The following SPEG variants were observed in gnomAD, a reference collection of about 807,000 sequenced individuals.
SPEG encodes the protein striated muscle enriched protein kinase, also known as striated muscle preferentially expressed protein kinase.
In SPEG, 114 loss-of-function variants were observed where a neutral mutation model predicts 300.4. The ratio of observed to expected loss-of-function variants is 0.38; its 90% confidence interval spans 0.33 to 0.44. SPEG has a LOEUF of 0.44. Among genes scored for constraint, SPEG ranks in the 20% least tolerant of loss-of-function variants. SPEG has a pLI of 1.00. For missense variants in SPEG, 4,201 were observed against 4,586.2 expected, an observed-to-expected ratio of 0.92 and a Z score of 2.43; for synonymous variants, 1,964 against 2,018.9, an observed-to-expected ratio of 0.97 and a Z score of 0.73.
Position 219,444,191 on chromosome 2 carries a change from C to A in SPEG, c.389-462C>A. 1 of 611,788 alleles carries A rather than the reference C, an allele frequency of 1.6e-6. No homozygotes were observed. The highest frequency in any genetic ancestry group is 1.9e-5 in the African/African-American group (1 of 52,914). The allele number at this position is 611,788 out of a possible 1,614,324, so 37.9% of individuals were successfully genotyped here. Reference sequence around the variant, plus strand: ...TGGGGTAGAGGACAGGCTGGCCCCGCGGTTGGTCGAGTGCCCTGGCAGTAC... The same window carrying A: ...TGGGGTAGAGGACAGGCTGGCCCCGAGGTTGGTCGAGTGCCCTGGCAGTAC... On this transcript the variant is annotated intron_variant, in intron 1 of 40. Transcript: ENST00000312358. This position sits in a 1 kb window ranked among gnomAD's most constrained non-coding sequence, Gnocchi z 7.8.
intron 6 of SPEG, chr2:219,460,796 T>G: frequency 1.0e-6 from 1 of 985,944 alleles, no homozygotes; most frequent in Non-Finnish European, 1.2e-6. Flanking sequence ...TCAGGCGCCT[T>G]CCCCTCCCCC....
intron 10 of SPEG, among the ~76,000 whole-genome samples, chr2:219,467,697 C>G (rs940496328): frequency 6.6e-6 from 1 of 152,256 alleles, no homozygotes; most frequent in Non-Finnish European, 1.5e-5. Flanking sequence ...CACGCCTGCC[C>G]TGCAAGTCAC....
At chr2:219,487,456 T>A (rs1693544900) in intron 31 of SPEG, among the ~76,000 whole-genome samples, 2 of 152,240 alleles carry the variant, frequency 1.3e-5, no homozygotes, top group African/African-American at 4.8e-5. Context: ...ACAGCAAGCA[T>A]CCTGTGGGCG....
In SPEG at chr2:219,459,597, G is replaced by A. The variant is rs868389373; in HGVS notation, c.2441-2285G>A. Reference sequence around the variant, plus strand: ...CTGGGCACCACCAGGGGTCTCTGAGGCTCCCTGCAAACCTTGACCATCTGG... The same window carrying A: ...CTGGGCACCACCAGGGGTCTCTGAGACTCCCTGCAAACCTTGACCATCTGG... On this transcript the variant is annotated intron_variant, in intron 6 of 40. Coordinates refer to ENST00000312358, the MANE Select transcript of SPEG (RefSeq NM_005876.5). This position sits in a 1 kb window ranked among gnomAD's most constrained non-coding sequence, Gnocchi z 4.9. Among the ~76,000 whole-genome samples, 41 of 152,114 alleles carry A rather than the reference G, an allele frequency of 2.7e-4. No individual in the cohort carries two copies. The highest frequency in any genetic ancestry group is 1.3e-4 in the Non-Finnish European group (9 of 68,008).
At position 219,483,123 on chromosome 2, in the gene SPEG, A is replaced by G. The variant is rs748682066; in HGVS notation, c.5660A>G (p.His1887Arg). The G allele has an allele frequency of 6.2e-7, 1 of 1,608,114 alleles. No individual in the cohort carries two copies. Among genetic ancestry groups the G allele is most frequent in the East Asian group, 2.2e-5 (1 of 44,772 alleles). The change falls in exon 30 of 41, where the codon CAC (histidine) becomes CGC (arginine). Residue 1887 changes from histidine (H) to arginine (R), a missense_variant. Transcript: ENST00000312358. ...WQRSQISYKC[H>R]LVLRPIPELL... ...CGCTCCCAGATCAGCTACAAATGCC[A>G]CCTGGTGCTGCGCCCCATCCCCGAG... is the stretch of plus-strand genomic sequence containing the variant.
chr2:219,448,351 C>T lies in SPEG; in HGVS notation c.1193C>T (p.Ser398Phe). 1 of 1,588,014 alleles carries T rather than the reference C, an allele frequency of 6.3e-7. No individual in the cohort carries two copies. Among genetic ancestry groups the T allele is most frequent in the Non-Finnish European group, 8.6e-7 (1 of 1,168,920 alleles). The change falls in exon 4 of 41, where the codon TCC (serine) becomes TTC (phenylalanine). Residue 398 changes from serine to phenylalanine, a missense_variant. Coordinates refer to ENST00000312358, the MANE Select transcript of SPEG (RefSeq NM_005876.5). ...GRSPRLVRAGSRILDKLQFFE... is the reference protein window; with the variant it reads ...GRSPRLVRAGFRILDKLQFFE... ...TCGCCTAGGCTGGTGCGCGCCGGCT[C>T]CCGCATCCTGGACAAGCTGCAGTTC... is the stretch of plus-strand genomic sequence containing the variant.
At chr2:219,482,958 C>T in intron 29 of SPEG, 106 bp downstream of exon 29, 1 of 1,405,966 alleles carries the variant, frequency 7.1e-7, no homozygotes, top group Non-Finnish European at 9.9e-7. Flanking sequence ...TTCTCGCTTT[C>T]ACTGGCTCCA....
In SPEG at chr2:219,490,428, C is replaced by A; in HGVS notation, c.8941C>A (p.Arg2981=). Residue 2981 remains arginine, a synonymous_variant, in exon 37 of 41, where the codon CGA becomes AGA. Transcript: ENST00000312358. ...ACACAGGGGCCGCTTTGGTGTTGTG[C>A]GAGCGTGCCGGGAGAATGCCACGGG... ...EKARGRFGVV[R]ACRENATGRT... The A allele has an allele frequency of 1.9e-6, 3 of 1,611,980 alleles. No individual in the cohort carries two copies. The highest frequency in any genetic ancestry group is 2.5e-6 in the Non-Finnish European group (3 of 1,179,592).
chr2:219,476,997 C>A lies in SPEG; in HGVS notation c.4560+15C>A. The A allele has an allele frequency of 6.3e-7, 1 of 1,577,262 alleles. No homozygotes were observed. Among genetic ancestry groups the A allele is most frequent in the South Asian group, 1.1e-5 (1 of 87,140 alleles). ...TGTGGTACAAGGTCAGAGTGTGCTG[C>A]TGGCTGAGCCTGGGGGAGGGAGGAG... On this transcript the variant is annotated intron_variant, in intron 19 of 40. Transcript: ENST00000312358.
chr2:219,445,390 C>T lies in SPEG; in HGVS notation c.815+229C>T, dbSNP rs57016874. On this transcript the variant is annotated intron_variant, in intron 3 of 40. Coordinates refer to ENST00000312358, the MANE Select transcript of SPEG (RefSeq NM_005876.5). This position sits in a 1 kb window ranked among gnomAD's most constrained non-coding sequence, Gnocchi z 6.1. Reference sequence around the variant, plus strand: ...CTGTCCTGGCTCACCATGCCATCTCCATGGTCTCCTGGACCCTGCTGTCCC... The same window carrying T: ...CTGTCCTGGCTCACCATGCCATCTCTATGGTCTCCTGGACCCTGCTGTCCC... Among the ~76,000 whole-genome samples, 11,287 of 152,182 alleles carry T rather than the reference C, an allele frequency of 0.074. 701 individuals are homozygous for T. The highest frequency in any genetic ancestry group is 0.17 in the African/African-American group (7,166 of 41,478).
chr2:219,487,375 TAAC>T (rs976740029), intron 31 of SPEG, among the ~76,000 whole-genome samples: 6 of 152,238 alleles, frequency 3.9e-5, no homozygotes, highest in Admixed American at 6.5e-5. Flanking sequence ...GAGAAAATGA[TAAC>T]AACAAGAGAA....
Position 219,484,785 on chromosome 2 carries a change from G to T in SPEG, c.7322G>T (p.Gly2441Val), listed in dbSNP as rs1693226184. ...ARGGDGESSE[G>V]GSSARGSPVL... ...GGCGGGGACGGAGAGAGCTCGGAGGGCGGGAGCTCGGCGCGGGGCTCCCCG... is the reference window on the plus strand; with the variant it reads ...GGCGGGGACGGAGAGAGCTCGGAGGTCGGGAGCTCGGCGCGGGGCTCCCCG... Residue 2441 changes from glycine to valine, a missense_variant, in exon 30 of 41, where the codon GGC becomes GTC. Gly to Val is a moderately radical substitution (Grantham distance 109, BLOSUM62 -3). Coordinates refer to ENST00000312358, the MANE Select transcript of SPEG (RefSeq NM_005876.5). 2 of 1,468,706 alleles carry T rather than the reference G, an allele frequency of 1.4e-6. No homozygotes were observed. Among genetic ancestry groups the T allele is most frequent in the Non-Finnish European group, 1.8e-6 (2 of 1,121,018 alleles). 91.0% of individuals were successfully genotyped at this position (1,468,706 alleles called of 1,614,324 possible).
In SPEG at chr2:219,484,875, G is replaced by A; in HGVS notation, c.7412G>A (p.Ser2471Asn). 6.6e-7 allele frequency: 1 copy of A among 1,525,008 alleles called. No homozygotes were observed. The highest frequency in any genetic ancestry group is 8.7e-7 in the Non-Finnish European group (1 of 1,143,554). 94.5% of individuals were successfully genotyped at this position (1,525,008 alleles called of 1,614,324 possible). The change falls in exon 30 of 41, where the codon AGT becomes AAT. Residue 2471 changes from serine (S) to asparagine (N), a missense_variant. This residue lies in a region of SPEG where 1,578 missense variants were observed against 1,506.0 expected (regional missense o/e 1.05). Coordinates refer to ENST00000312358, the MANE Select transcript of SPEG (RefSeq NM_005876.5). ...CGGCTGTCCAGCCGATTGCAGCGCA[G>A]TGGCAGCAGCGAGGACTCGGGGGGC... The part of the protein sequence containing the change: ...LERLSSRLQR[S>N]GSSEDSGGAS...
chr2:219,466,344 AC>A (rs1559392216), intron 9 of SPEG: 2 of 1,388,300 alleles, frequency 1.4e-6, no homozygotes, highest in Non-Finnish European at 1.9e-6. Flanking sequence ...AGGGGTATCA[AC>A]CCCCCGAGTC....
rs1271537833 is a variant in SPEG, at chr2:219,477,037, C to G, written c.4560+55C>G. ...GGAGGGAGGAGGGGCTCCCTGGGGGCGTGGGAGGGTCCTGGAAGGCCTTAG... is the reference window on the plus strand; with the variant it reads ...GGAGGGAGGAGGGGCTCCCTGGGGGGGTGGGAGGGTCCTGGAAGGCCTTAG... On this transcript the variant is annotated intron_variant, in intron 19 of 40. Transcript: ENST00000312358. The surrounding 1 kb of genome is among the most constrained non-coding windows in gnomAD (Gnocchi z 6.4). 6.9e-7 allele frequency: 1 copy of G among 1,444,220 alleles called. No individual in the cohort carries two copies. The highest frequency in any genetic ancestry group is 9.5e-7 in the Non-Finnish European group (1 of 1,051,462). The allele number at this position is 1,444,220 out of a possible 1,614,324, so 89.5% of individuals were successfully genotyped here. A position where few individuals can be genotyped will look rare whatever the true frequency, so the allele number is the denominator to read the frequency against.
At chr2:219,485,159 A>G in intron 30 of SPEG, 87 bp downstream of exon 30, 1 of 1,503,060 alleles carries the variant, frequency 6.7e-7, no homozygotes, top group Non-Finnish European at 9.0e-7. Flanking sequence ...AGGGCTGGGG[A>G]CACCCACCAG....
chr2:219,488,182 C>T lies in SPEG; in HGVS notation c.7742-12C>T. ...CCCTACAGATAGATGGCTGTCTCTG[C>T]TTTTCCTCCAGACTTCCCCCCAGTC... On this transcript the variant is annotated splice_polypyrimidine_tract_variant and intron_variant, in intron 31 of 40. Transcript: ENST00000312358. 6.3e-7 allele frequency: 1 copy of T among 1,597,754 alleles called. No homozygotes were observed. Among genetic ancestry groups the T allele is most frequent in the Non-Finnish European group, 8.6e-7 (1 of 1,166,908 alleles).
Position 219,443,409 on chromosome 2 carries a change from G to A in SPEG, c.389-1244G>A. On this transcript the variant is annotated intron_variant, in intron 1 of 40. Transcript: ENST00000312358. This position sits in a 1 kb window ranked among gnomAD's most constrained non-coding sequence, Gnocchi z 4.6. ...CCTGTTCTCCATGTGAGGCCTAATG[G>A]GAAGGAGTTCATTGCCATGCTTTGG... 2 of 539,246 alleles carry A rather than the reference G, an allele frequency of 3.7e-6. No homozygotes were observed. Among genetic ancestry groups the A allele is most frequent in the Non-Finnish European group, 6.6e-6 (2 of 301,052 alleles). The allele number at this position is 539,246 out of a possible 1,614,324, so 33.4% of individuals were successfully genotyped here.
chr2:219,446,666 G>A (rs1689315620), intron 3 of SPEG, among the ~76,000 whole-genome samples: 1 of 152,166 alleles, frequency 6.6e-6, no homozygotes, highest in Non-Finnish European at 1.5e-5. Context: ...TGTGCCCCTG[G>A]AAACCCAGAC....
Sources: allele counts gnomAD v4.1 joint callset (sites outside exome capture counted in the v4.1 genomes callset), GRCh38; gene constraint gnomAD v4.1.1; regional missense constraint gnomAD v4.1.1; non-coding constraint Gnocchi (gnomAD v3.1); transcripts MANE v1.5; gene names NCBI Gene and HGNC (gene_info 2026-07-23, HGNC 2026-07-21).